The following STK32B variants were observed in gnomAD, a reference collection of about 807,000 sequenced individuals.
STK32B encodes serine/threonine-protein kinase 32B.
In STK32B, 43 loss-of-function variants were observed where a neutral mutation model predicts 52.6. The ratio of observed to expected loss-of-function variants is 0.82; its 90% CI spans 0.64 to 1.05. The LOEUF (loss-of-function observed/expected upper bound fraction) is 1.05, where lower values mean the gene tolerates loss of function less well. STK32B is among the 50% of genes least tolerant of loss of function. The probability of loss-of-function intolerance (pLI) is 0.00; values close to 1 mark genes in which losing one functional copy is unlikely to be tolerated. For missense variants in STK32B, 621 were observed against 534.6 expected (o/e 1.16, Z -1.59); for synonymous variants, 238 against 204.3 (o/e 1.17, Z -1.41).
intron 3 of STK32B, among the ~76,000 whole-genome samples, chr4:5,266,315 C>G (rs1727055254): frequency 6.6e-6 from 1 of 152,214 alleles, no homozygotes; most frequent in South Asian, 2.1e-4. Flanking sequence ...AAAACACACT[C>G]TGCAAACTGA....
At chr4:5,183,053 A>T (rs1222033298) in intron 3 of STK32B, among the ~76,000 whole-genome samples, 1 of 152,236 alleles carries the variant, frequency 6.6e-6, no homozygotes, top group Non-Finnish European at 1.5e-5. Context: ...TATAGAATAC[A>T]AGCAGAATAG....
intron 3 of STK32B, among the ~76,000 whole-genome samples, chr4:5,212,788 G>C (rs191923228): frequency 4.7e-4 from 72 of 152,310 alleles, no homozygotes; most frequent in Non-Finnish European, 6.8e-4. Flanking sequence ...GCTGCTGGCT[G>C]TAAGTATAAA....
At chr4:5,208,117 A>G (rs1011242917) in intron 3 of STK32B, among the ~76,000 whole-genome samples, 2 of 152,154 alleles carry the variant, frequency 1.3e-5, no homozygotes, top group African/African-American at 4.8e-5. Flanking sequence ...GACTGGGAGA[A>G]GGCTCTGCTC....
At chr4:5,025,652 T>C in the STK32B span, among the ~76,000 whole-genome samples, 1 of 152,208 alleles carries the variant, frequency 6.6e-6, no homozygotes, top group Admixed American at 6.5e-5. Context: ...TGGCTTTCTG[T>C]CCTTCTCTGT....
chr4:5,194,855 C>G (rs1162876091), intron 3 of STK32B, among the ~76,000 whole-genome samples: 2 of 152,124 alleles, frequency 1.3e-5, no homozygotes, highest in Non-Finnish European at 2.9e-5. Flanking sequence ...AAGTGCTACA[C>G]ACTTTTAAAC....
the STK32B span, chr4:5,019,514 C>G: frequency 7.3e-7 from 1 of 1,377,882 alleles, no homozygotes; most frequent in Non-Finnish European, 9.4e-7. Context: ...CAGGGCGGCT[C>G]CACGCCTCCA....
At chr4:5,481,255 A>C (rs1718679403) in intron 11 of STK32B, among the ~76,000 whole-genome samples, 1 of 152,096 alleles carries the variant, frequency 6.6e-6, no homozygotes, top group Non-Finnish European at 1.5e-5. Flanking sequence ...TTGTTTCCTG[A>C]CTTTTTAATG....
chr4:5,329,120 C>T (rs908509108), intron 3 of STK32B, among the ~76,000 whole-genome samples: 1 of 152,212 alleles, frequency 6.6e-6, no homozygotes, highest in Non-Finnish European at 1.5e-5. Context: ...CTCTGGGTGC[C>T]TCTGCCTAGA....
intron 3 of STK32B, among the ~76,000 whole-genome samples, chr4:5,182,754 C>T (rs2108754770): frequency 6.6e-6 from 1 of 152,258 alleles, no homozygotes; most frequent in Non-Finnish European, 1.5e-5. Context: ...CCACTGCGCC[C>T]AGCCCCAAAA....
chr4:5,177,939 G>C (rs1468383438), intron 3 of STK32B, among the ~76,000 whole-genome samples: 1 of 152,212 alleles, frequency 6.6e-6, no homozygotes, highest in Non-Finnish European at 1.5e-5. Flanking sequence ...CTGGCACTGA[G>C]TATCTGTGAC....
chr4:5,442,311 A>G (rs1470009403), intron 6 of STK32B, among the ~76,000 whole-genome samples: 2 of 152,072 alleles, frequency 1.3e-5, no homozygotes, highest in African/African-American at 4.8e-5. Context: ...ATATATATTT[A>G]GAATAGTTAG....
the STK32B span, among the ~76,000 whole-genome samples, chr4:5,036,686 G>A: frequency 4.6e-5 from 4 of 86,480 alleles, no homozygotes; most frequent in African/African-American, 1.4e-4. Flanking sequence ...TTTTTTTTTC[G>A]AGATGGAGTC....
At chr4:5,474,039 G>A (rs757746731) in intron 11 of STK32B, among the ~76,000 whole-genome samples, 7 of 152,206 alleles carry the variant, frequency 4.6e-5, no homozygotes, top group Admixed American at 2.6e-4. Context: ...ACTTGAACCC[G>A]GGAGGCAGAA....
At chr4:5,306,849 C>G (rs2887540) in intron 3 of STK32B, among the ~76,000 whole-genome samples, 4 of 128,508 alleles carry the variant, frequency 3.1e-5, no homozygotes, top group East Asian at 2.7e-4. Context: ...GGCAAATTCT[C>G]TCAGCATTTG....
At chr4:5,376,678 C>T (rs1410554908) in intron 4 of STK32B, among the ~76,000 whole-genome samples, 1 of 152,098 alleles carries the variant, frequency 6.6e-6, no homozygotes, top group Non-Finnish European at 1.5e-5. Flanking sequence ...AGCAGAGGAC[C>T]CCCAGGATAT....
intron 6 of STK32B, among the ~76,000 whole-genome samples, chr4:5,442,346 T>TA (rs930881373): frequency 2.9e-4 from 44 of 152,306 alleles, no homozygotes; most frequent in Non-Finnish European, 4.7e-4. Context: ...TTGATCCCTT[T>TA]ACCATTATGT....
chr4:5,040,815 G>A, the STK32B span, among the ~76,000 whole-genome samples: 17 of 152,270 alleles, frequency 1.1e-4, no homozygotes, highest in East Asian at 3.3e-3. Context: ...TGCCAAGATG[G>A]TACAGTTGAC....
rs978338272 is a variant in STK32B, at chr4:5,215,638, G to A, written c.260+47188G>A. ...CTTATTGCTTGGCTTCTGCTGGGAC[G>A]AGATGGGGGAGTGTTAATGATTTTT... is the stretch of plus-strand genomic sequence containing the variant. On this transcript the variant is annotated intron_variant, in intron 3 of 11. Coordinates refer to ENST00000282908, the MANE Select transcript of STK32B (RefSeq NM_018401.3). Among the ~76,000 whole-genome samples the A allele has an allele frequency of 5.3e-5, 8 of 152,080 alleles. No individual in the cohort carries two copies. In the East Asian group the frequency reaches 1.5e-3, roughly 29 times the overall value.
chr4:5,245,509 G>C lies in STK32B; in HGVS notation c.260+77059G>C, dbSNP rs1054556837. Among the ~76,000 whole-genome samples the C allele has an allele frequency of 7.2e-5, 11 of 152,236 alleles. 1 individual carries two copies. The highest frequency in any genetic ancestry group is 6.5e-5 in the Admixed American group (1 of 15,296). On this transcript the variant is annotated intron_variant, in intron 3 of 11. Transcript: ENST00000282908. Reference sequence around the variant, plus strand: ...TTTCCTGAATACAGGACACTGATGGGTCTTGAGTCTTTATCCAATTTGCCA... The same window carrying C: ...TTTCCTGAATACAGGACACTGATGGCTCTTGAGTCTTTATCCAATTTGCCA...
Sources: gnomAD v4.1 joint callset for allele counts (sites outside exome capture counted in the v4.1 genomes callset) on GRCh38, gnomAD v4.1.1 for gene constraint, MANE v1.5 for transcripts, NCBI Gene and HGNC (gene_info 2026-07-23, HGNC 2026-07-21) for gene names.